The following CDH7 variants were observed in gnomAD, a reference collection of about 807,000 sequenced individuals.
The protein encoded by CDH7 is cadherin-7.
Under a neutral mutation model 71.8 loss-of-function variants are expected in CDH7, and 25 were observed. That is an observed-to-expected ratio of 0.35 (90% CI 0.25 to 0.49). The LOEUF (loss-of-function observed/expected upper bound fraction) is 0.49, where lower values mean the gene tolerates loss of function less well. CDH7 is among the 20% of genes least tolerant of loss of function. The probability of loss-of-function intolerance (pLI) is 0.99; values close to 1 mark genes in which losing one functional copy is unlikely to be tolerated. For synonymous variants in CDH7, 381 were observed against 363.8 expected (o/e 1.05, Z -0.54); for missense variants, 862 against 974.6 (o/e 0.88, Z 1.54).
chr18:65,866,320 A>AAAAAAC (rs1913755642), intron 11 of CDH7: 1 of 124,884 alleles, frequency 8.0e-6, no homozygotes, highest in Non-Finnish European at 1.7e-5. Flanking sequence ...AAAAACAAAA[A>AAAAAAC]AAAAAAAAAA....
chr18:65,760,393 C>G (rs1916156867), intron 1 of CDH7, among the ~76,000 whole-genome samples: 1 of 152,140 alleles, frequency 6.6e-6, no homozygotes, highest in African/African-American at 2.4e-5. Context: ...TGGTAACTAA[C>G]TCCTCAAGTA....
At chr18:65,826,738 C>T (rs893192081) in intron 6 of CDH7, among the ~76,000 whole-genome samples, 5 of 150,830 alleles carry the variant, frequency 3.3e-5, no homozygotes, top group African/African-American at 1.2e-4. Context: ...TATTCAAAGG[C>T]CAAATGGAAA....
intron 2 of CDH7, among the ~76,000 whole-genome samples, chr18:65,782,107 C>CTTCT (rs745442687): frequency 0.066 from 1,661 of 25,156 alleles, 187 homozygotes; most frequent in Non-Finnish European, 0.074. Context: ...TCCTTCCTTC[C>CTTCT]TTCTTTCTTT....
intron 6 of CDH7, among the ~76,000 whole-genome samples, chr18:65,836,533 T>C (rs1307218982): frequency 6.6e-6 from 1 of 152,184 alleles, no homozygotes; most frequent in East Asian, 1.9e-4. Context: ...TTTATGGTTT[T>C]AGACTGCAAT....
At chr18:65,868,008 C>T (rs556438537) in intron 11 of CDH7, among the ~76,000 whole-genome samples, 2 of 152,150 alleles carry the variant, frequency 1.3e-5, no homozygotes, top group East Asian at 3.9e-4. Context: ...TTTTTTCCAA[C>T]AGAAAAATGC....
intron 1 of CDH7, among the ~76,000 whole-genome samples, chr18:65,754,345 A>C (rs1915972274): frequency 6.6e-6 from 1 of 152,180 alleles, no homozygotes; most frequent in African/African-American, 2.4e-5. Flanking sequence ...AGGCCAGTTA[A>C]CAGTAGGAGG....
intron 1 of CDH7, among the ~76,000 whole-genome samples, chr18:65,754,203 C>T (rs1444976104): frequency 1.3e-5 from 2 of 152,130 alleles, no homozygotes; most frequent in African/African-American, 2.4e-5. Flanking sequence ...ATTCATTTCA[C>T]CCATGGCAGA....
intron 4 of CDH7, among the ~76,000 whole-genome samples, chr18:65,819,632 G>T (rs1911845512): frequency 6.6e-6 from 1 of 152,122 alleles, no homozygotes; most frequent in Non-Finnish European, 1.5e-5. Flanking sequence ...GATCGTGAAG[G>T]GCTTTGGGAG....
chr18:65,827,120 C>G (rs1912160721), intron 6 of CDH7, among the ~76,000 whole-genome samples: 1 of 151,576 alleles, frequency 6.6e-6, no homozygotes, highest in Admixed American at 6.6e-5. Context: ...GAGAAGTTAG[C>G]TAAATATTTT....
At chr18:65,774,796 A>G (rs1417594675) in intron 2 of CDH7, among the ~76,000 whole-genome samples, 1 of 152,088 alleles carries the variant, frequency 6.6e-6, no homozygotes, top group Non-Finnish European at 1.5e-5. Flanking sequence ...GAATATCACC[A>G]TCTCTCTAAT....
rs541984111 is a variant in CDH7 at position 65,831,283 on chromosome 18, C to T, written c.981+6452C>T. Among the ~76,000 whole-genome samples, 10 of 152,156 alleles carry T rather than the reference C, an allele frequency of 6.6e-5. No individual in the cohort carries two copies. In the South Asian group the frequency reaches 1.9e-3, roughly 28 times the overall value. The stretch of plus-strand genomic sequence containing the variant: ...GCTTAATCTAACCATGGAAGAGCAA[C>T]CTGTGAGTACCTATGTAAGGAATAT... On this transcript the variant is annotated intron_variant, in intron 6 of 11. Transcript: ENST00000397968.
At position 65,752,851 on chromosome 18, in the gene CDH7, G is replaced by A. The variant is rs1351416196; in HGVS notation, c.-197+1701G>A. ...ACCCTGCTAAAAGCTATTAAGGTTTGCAGCTTTAATAAAAGGGCATTGTGC... is the reference window on the plus strand; with the variant it reads ...ACCCTGCTAAAAGCTATTAAGGTTTACAGCTTTAATAAAAGGGCATTGTGC... On this transcript the variant is annotated intron_variant, in intron 1 of 11. Coordinates refer to ENST00000397968, the MANE Select transcript of CDH7 (RefSeq NM_004361.5). 1.3e-5 allele frequency among the ~76,000 whole-genome samples: 2 copies of A among 152,182 alleles called. 1 individual carries two copies. Among genetic ancestry groups the A allele is most frequent in the Non-Finnish European group, 2.9e-5 (2 of 68,032 alleles).
chr18:65,794,514 G>C (rs919870870), intron 2 of CDH7, among the ~76,000 whole-genome samples: 3 of 151,926 alleles, frequency 2.0e-5, no homozygotes, highest in South Asian at 4.2e-4. Context: ...AGAGAAAGGA[G>C]GTCATTGAGC....
rs1568182250 is a variant in CDH7 at position 65,782,047 on chromosome 18, TTC to T, written c.210+18996_210+18997del. Among the ~76,000 whole-genome samples, 15 of 68,874 alleles carry T rather than the reference TTC, an allele frequency of 2.2e-4. 5 individuals carry two copies. The highest frequency in any genetic ancestry group is 1.1e-3 in the African/African-American group (9 of 7,906). 45.2% of individuals were successfully genotyped at this position (68,874 alleles called of 152,430 possible). ...CTTTCTCCCTTCCTTCCTTCCTTCCTTCCTTCCTTCCTTCCTTTCTTTCTTTC... is the reference window on the plus strand; with the variant it reads ...CTTTCTCCCTTCCTTCCTTCCTTCCTCTTCCTTCCTTCCTTTCTTTCTTTC... On this transcript the variant is annotated intron_variant, in intron 2 of 11. Coordinates refer to ENST00000397968, the MANE Select transcript of CDH7 (RefSeq NM_004361.5).
rs145819928 is a variant in CDH7 at position 65,759,822 on chromosome 18, A to G, written c.-196-2825A>G. On this transcript the variant is annotated intron_variant, in intron 1 of 11. Transcript: ENST00000397968. ...CAGACTGTGTGCTTCGTTCCTCATC[A>G]GTAAACACCTAGTGAACTAAAATAA... Among the ~76,000 whole-genome samples the G allele has an allele frequency of 8.1e-3, 1,230 of 152,300 alleles. 10 individuals are homozygous for G. The highest frequency in any genetic ancestry group is 0.012 in the Non-Finnish European group (839 of 68,036).
intron 6 of CDH7, among the ~76,000 whole-genome samples, chr18:65,838,258 G>C (rs570910863): frequency 6.6e-6 from 1 of 152,012 alleles, no homozygotes; most frequent in South Asian, 2.1e-4. Context: ...TATAAATGAG[G>C]GTTATTTTCC....
chr18:65,810,749 T>C (rs533574097), intron 3 of CDH7, among the ~76,000 whole-genome samples: 1 of 152,168 alleles, frequency 6.6e-6, no homozygotes, highest in African/African-American at 2.4e-5. Context: ...TTCCCTGACA[T>C]GTGTCCATGC....
intron 1 of CDH7, among the ~76,000 whole-genome samples, chr18:65,753,024 T>C (rs1332269798): frequency 6.6e-6 from 1 of 152,218 alleles, no homozygotes; most frequent in African/African-American, 2.4e-5. Flanking sequence ...AAAGGATAAT[T>C]GTAAAGCATC....
At chr18:65,816,073 G>A (rs1001551008) in intron 4 of CDH7, among the ~76,000 whole-genome samples, 16 of 152,136 alleles carry the variant, frequency 1.1e-4, no homozygotes, top group East Asian at 5.8e-4. Context: ...AAGCCATACC[G>A]GTTGATCAAC....
Sources: allele counts gnomAD v4.1 joint callset (sites outside exome capture counted in the v4.1 genomes callset), GRCh38; gene constraint gnomAD v4.1.1; transcripts MANE v1.5; gene names NCBI Gene and HGNC (gene_info 2026-07-23, HGNC 2026-07-21).